THNSL2: variants seen among roughly 807,000 people sequenced by gnomAD.
The protein encoded by THNSL2 is threonine synthase like 2, also known as threonine synthase-like 2.
Under a neutral mutation model 40.0 loss-of-function variants are expected in THNSL2, and 34 were observed. The ratio of observed to expected loss-of-function variants is 0.85; its 90% CI spans 0.65 to 1.13. The LOEUF is 1.13. Among genes scored for constraint, THNSL2 ranks in the 50% most tolerant of loss-of-function variants. The pLI, the probability that THNSL2 is intolerant of heterozygous loss-of-function variation, is 0.00. For missense variants in THNSL2, 537 were observed against 608.8 expected, an observed-to-expected ratio of 0.88 and a Z score of 1.24; for synonymous variants, 241 against 247.5, an observed-to-expected ratio of 0.97 and a Z score of 0.25.
chr2:88,183,764 T>C (rs1677958619), intron 7 of THNSL2: 1 of 149,064 alleles, frequency 6.7e-6, no homozygotes, highest in Admixed American at 6.7e-5. Context: ...TGCAACCTGG[T>C]GATGGTACTT....
chr2:88,175,293 G>C lies in THNSL2; in HGVS notation c.463G>C (p.Gly155Arg). 6.2e-7 allele frequency: 1 copy of C among 1,614,192 alleles called. No homozygotes were observed. The highest frequency in any genetic ancestry group is 1.1e-5 in the South Asian group (1 of 91,076). The change falls in exon 4 of 9, where the codon GGG (glycine) becomes CGG (arginine). Residue 155 changes from glycine to arginine, a missense_variant. Gly to Arg is a moderately radical substitution (Grantham distance 125, BLOSUM62 -2). Coordinates refer to ENST00000674334, the MANE Select transcript of THNSL2 (RefSeq NM_018271.5). ...AAGTGCTGCCATTGAGAGTGTTCAA[G>C]GGGCAAAGAACATGGACATTATCGT... ...TGSAAIESVQ[G>R]AKNMDIIVLL...
Position 88,185,935 on chromosome 2 carries a change from A to G in THNSL2, c.1267A>G (p.Lys423Glu), listed in dbSNP as rs934350486. ...RCCLAPASAA[K>E]FPEAVLAAGL... ...CTGCCTCGCCCCTGCCTCTGCAGCCAAGTTCCCGGAAGCTGTCCTGGCTGC... is the reference window on the plus strand; with the variant it reads ...CTGCCTCGCCCCTGCCTCTGCAGCCGAGTTCCCGGAAGCTGTCCTGGCTGC... Residue 423 changes from lysine (K) to glutamate (E), a missense_variant, in exon 9 of 9, where the codon AAG becomes GAG. Lys to Glu is a moderately conservative substitution (Grantham distance 56, BLOSUM62 1). Coordinates refer to ENST00000674334, the MANE Select transcript of THNSL2 (RefSeq NM_018271.5). 8 of 1,611,366 alleles carry G rather than the reference A, an allele frequency of 5.0e-6. No individual in the cohort carries two copies. Among genetic ancestry groups the G allele is most frequent in the Non-Finnish European group, 6.8e-6 (8 of 1,179,340 alleles).
At position 88,173,233 on chromosome 2, in the gene THNSL2, G is replaced by A. The variant is rs779687764; in HGVS notation, c.83G>A (p.Gly28Asp). 1 of 1,611,394 alleles carries A rather than the reference G, an allele frequency of 6.2e-7. No homozygotes were observed. Among genetic ancestry groups the A allele is most frequent in the Admixed American group, 1.7e-5 (1 of 59,984 alleles). The change falls in exon 2 of 9, where the codon GGC becomes GAC. Residue 28 changes from glycine to aspartate, a missense_variant. Gly to Asp is a moderately conservative substitution (Grantham distance 94). Transcript: ENST00000674334. ...TTCTCTGGCTATGCACCTGACGGGGGCCTCTTTATGCCTGAAGAGCTCCCA... is the reference window on the plus strand; with the variant it reads ...TTCTCTGGCTATGCACCTGACGGGGACCTCTTTATGCCTGAAGAGCTCCCA... Reference protein sequence around the residue: ...ALFSGYAPDGGLFMPEELPQL... With the variant: ...ALFSGYAPDGDLFMPEELPQL...
At chr2:88,175,483 T>C in intron 4 of THNSL2, 82 bp downstream of exon 4, 1 of 1,551,228 alleles carries the variant, frequency 6.4e-7, no homozygotes, top group Non-Finnish European at 8.8e-7. Context: ...TGGAACAAAA[T>C]TGCACAGTTG....
At chr2:88,172,220 A>G (rs1220154231) in intron 1 of THNSL2, 1 of 152,328 alleles carries the variant, frequency 6.6e-6, no homozygotes, top group East Asian at 1.9e-4. Flanking sequence ...GTTCAAGCCC[A>G]GCTCCTTGAC....
At position 88,185,962 on chromosome 2, in the gene THNSL2, G is replaced by A. The variant is rs1258108807; in HGVS notation, c.1294G>A (p.Gly432Ser). The change falls in exon 9 of 9, where the codon GGC becomes AGC. Residue 432 changes from glycine (G) to serine (S), a missense_variant. Coordinates refer to ENST00000674334, the MANE Select transcript of THNSL2 (RefSeq NM_018271.5). The part of the protein sequence containing the change: ...AKFPEAVLAA[G>S]LTPETPAEIV... ...GTTCCCGGAAGCTGTCCTGGCTGCTGGCCTGACCCCTGAGACTCCCGCGGA... is the reference window on the plus strand; with the variant it reads ...GTTCCCGGAAGCTGTCCTGGCTGCTAGCCTGACCCCTGAGACTCCCGCGGA... The A allele has an allele frequency of 6.2e-7, 1 of 1,612,954 alleles. No homozygotes were observed. Among genetic ancestry groups the A allele is most frequent in the African/African-American group, 1.3e-5 (1 of 74,880 alleles).
intron 1 of THNSL2, chr2:88,171,185 C>T (rs1041431266): frequency 2.4e-6 from 1 of 423,024 alleles, no homozygotes; most frequent in Non-Finnish European, 4.8e-6. Context: ...CTATTTCCGC[C>T]TCTGGCTTAC....
chr2:88,183,571 C>T (rs1677930284), intron 7 of THNSL2: 2 of 152,100 alleles, frequency 1.3e-5, no homozygotes, highest in Admixed American at 6.6e-5. Flanking sequence ...TCCTTTCTTC[C>T]TTTTCCTTCC....
chr2:88,185,073 A>G (rs1573213838), intron 7 of THNSL2, among the ~76,000 whole-genome samples: 1 of 152,218 alleles, frequency 6.6e-6, no homozygotes, highest in South Asian at 2.1e-4. Flanking sequence ...GAACAAATCT[A>G]TATTTGCTGA....
intron 4 of THNSL2, 35 bp from the exon 5 acceptor site, chr2:88,178,748 T>C (rs776248939): frequency 3.1e-6 from 5 of 1,612,142 alleles, no homozygotes; most frequent in Non-Finnish European, 4.2e-6. Flanking sequence ...TTCTACATGC[T>C]CCTGACAGCT....
intron 6 of THNSL2, 46 bp from the exon 7 acceptor site, chr2:88,182,902 G>A (rs540686417): frequency 3.3e-5 from 53 of 1,612,178 alleles, no homozygotes; most frequent in Non-Finnish European, 4.2e-5. Context: ...GGTGGGGCTC[G>A]ATGGGGCTGA....
chr2:88,183,126 A>T, intron 7 of THNSL2, 53 bp downstream of exon 7: 1 of 1,580,040 alleles, frequency 6.3e-7, no homozygotes. Context: ...GCCACATAGC[A>T]GACTTGGGGT....
Position 88,173,636 on chromosome 2 carries a change from A to AC in THNSL2, c.223+263_223+264insC, listed in dbSNP as rs539559968. On this transcript the variant is annotated intron_variant, in intron 2 of 8. Transcript: ENST00000674334. The stretch of plus-strand genomic sequence containing the variant: ...TCTTTCTTTTTCTTTAAAAAAAAAA[A>AC]AACAAAAACCTCTTCAACACTAGGG... 1.1e-3 allele frequency among the ~76,000 whole-genome samples: 167 copies of AC among 152,092 alleles called. 1 individual carries two copies. The highest frequency in any genetic ancestry group is 1.5e-3 in the South Asian group (7 of 4,812).
At chr2:88,178,432 G>C (rs1354377458) in intron 4 of THNSL2, among the ~76,000 whole-genome samples, 1 of 152,212 alleles carries the variant, frequency 6.6e-6, no homozygotes, top group African/African-American at 2.4e-5. Context: ...AGTGGGGGAA[G>C]TGGGCATGGA....
chr2:88,185,825 C>T, intron 8 of THNSL2, 73 bp from the exon 9 acceptor site: 7 of 1,541,798 alleles, frequency 4.5e-6, no homozygotes, highest in Non-Finnish European at 5.3e-6. Flanking sequence ...TCTTATTCCT[C>T]CTCCACCTTC....
At chr2:88,185,720 G>T (rs956280183) in intron 8 of THNSL2, 178 bp from the exon 9 acceptor site, 86 of 1,550,808 alleles carry the variant, frequency 5.5e-5, no homozygotes, top group Non-Finnish European at 7.3e-5. Context: ...GGAGCAGTTT[G>T]CCAGGTAGCG....
At chr2:88,174,934 T>C in intron 3 of THNSL2, 101 bp downstream of exon 3, 1 of 1,364,242 alleles carries the variant, frequency 7.3e-7, no homozygotes, top group Non-Finnish European at 1.0e-6. Context: ...ACTGTGGTAC[T>C]GGTTCTTCCA....
intron 1 of THNSL2, among the ~76,000 whole-genome samples, chr2:88,170,677 T>C (rs886627232): frequency 6.7e-4 from 102 of 152,056 alleles, no homozygotes; most frequent in Non-Finnish European, 2.8e-4. Flanking sequence ...ATTTGAGCAG[T>C]CCTTTGAGAA....
At chr2:88,183,773 T>G (rs1677959548) in intron 7 of THNSL2, 1 of 128,496 alleles carries the variant, frequency 7.8e-6, no homozygotes, top group Non-Finnish European at 1.7e-5. Context: ...GTGATGGTAC[T>G]TATTCTGTGT....
Sources: gnomAD v4.1 joint callset for allele counts (sites outside exome capture counted in the v4.1 genomes callset) on GRCh38, gnomAD v4.1.1 for gene constraint, MANE v1.5 for transcripts, NCBI Gene and HGNC (gene_info 2026-07-23, HGNC 2026-07-21) for gene names.